The following FGF12 variants were observed in gnomAD, a reference collection of about 807,000 sequenced individuals.
FGF12 encodes the protein fibroblast growth factor 12B.
In FGF12, 14 loss-of-function variants were observed where a neutral mutation model predicts 23.6. That is an observed-to-expected ratio of 0.59 (90% CI 0.39 to 0.93). FGF12 has a LOEUF of 0.93. Ranked by LOEUF, FGF12 falls within the 40% of genes least tolerant of loss-of-function variation. The pLI, the probability that FGF12 is intolerant of heterozygous loss-of-function variation, is 0.00. For missense variants in FGF12, 175 were observed against 217.8 expected (o/e 0.80, Z 1.24); for synonymous variants, 62 against 77.3 (o/e 0.80, Z 1.04).
At position 192,171,773 on chromosome 3, in the gene FGF12, T is replaced by C. The variant is rs879394929; in HGVS notation, c.229-1117A>G. 5.3e-5 allele frequency among the ~76,000 whole-genome samples: 8 copies of C among 152,284 alleles called. No individual in the cohort carries two copies. The East Asian group carries it at 9.6e-4, about 18-fold the overall frequency. ...TGATTTAATGCAAGCAAACCTGGAA[T>C]TAAGTTATTAATGAATATAGGAATA... On this transcript the variant is annotated intron_variant, in intron 4 of 5. Coordinates refer to ENST00000445105, the MANE Select transcript of FGF12 (RefSeq NM_004113.6).
At chr3:192,629,085 A>T (rs1164707296) in intron 2 of FGF12, among the ~76,000 whole-genome samples, 4 of 152,212 alleles carry the variant, frequency 2.6e-5, no homozygotes, top group Non-Finnish European at 4.4e-5. Flanking sequence ...ATAAGATAAA[A>T]CAGACTATCA....
intron 2 of FGF12, chr3:192,515,259 G>T (rs559251745): frequency 0.01 from 1,576 of 152,406 alleles, 8 homozygotes; most frequent in Non-Finnish European, 0.017. Flanking sequence ...GGCTGCGCGC[G>T]GCCAAGGGCG....
intron 2 of FGF12, among the ~76,000 whole-genome samples, chr3:192,493,682 T>A (rs1187578797): frequency 1.3e-5 from 2 of 152,040 alleles, no homozygotes; most frequent in African/African-American, 4.8e-5. Flanking sequence ...GGGGAGCAAG[T>A]AATTCACACG....
At chr3:192,420,704 C>T (rs1168970048) in intron 2 of FGF12, among the ~76,000 whole-genome samples, 1 of 152,178 alleles carries the variant, frequency 6.6e-6, no homozygotes, top group Non-Finnish European at 1.5e-5. Context: ...GATGCTGGTG[C>T]CATGCTTCTT....
At chr3:192,664,621 C>G (rs1466929837) in intron 2 of FGF12, among the ~76,000 whole-genome samples, 1 of 62,682 alleles carries the variant, frequency 1.6e-5, no homozygotes. Context: ...AAAAAAAAAG[C>G]TGGGCATGGT....
chr3:192,380,703 T>C (rs576532302), intron 2 of FGF12, among the ~76,000 whole-genome samples: 2 of 152,254 alleles, frequency 1.3e-5, no homozygotes, highest in African/African-American at 4.8e-5. Context: ...TTAGATTTCA[T>C]AGCACATTGT....
intron 2 of FGF12, among the ~76,000 whole-genome samples, chr3:192,403,443 G>T (rs1165916622): frequency 6.6e-6 from 1 of 151,900 alleles, no homozygotes; most frequent in East Asian, 1.9e-4. Flanking sequence ...AACATAATTT[G>T]TTGTTGAGAA....
intron 2 of FGF12, among the ~76,000 whole-genome samples, chr3:192,665,304 G>A (rs1716825127): frequency 6.6e-6 from 1 of 152,106 alleles, no homozygotes; most frequent in South Asian, 2.1e-4. Context: ...AAAAGGTAAG[G>A]AAATGAAGAT....
chr3:192,206,702 G>T (rs1246081740), intron 4 of FGF12, among the ~76,000 whole-genome samples: 1 of 152,186 alleles, frequency 6.6e-6, no homozygotes, highest in Admixed American at 6.6e-5. Flanking sequence ...AAGATAGGGT[G>T]GATGATGGGG....
intron 2 of FGF12, among the ~76,000 whole-genome samples, chr3:192,554,563 A>C (rs1711676231): frequency 1.3e-5 from 2 of 152,204 alleles, no homozygotes; most frequent in Admixed American, 1.3e-4. Flanking sequence ...CTGATTGGTA[A>C]AGATCTTTTC....
At chr3:192,403,091 A>G (rs1055836698) in intron 2 of FGF12, among the ~76,000 whole-genome samples, 1 of 152,218 alleles carries the variant, frequency 6.6e-6, no homozygotes, top group Non-Finnish European at 1.5e-5. Flanking sequence ...CACTATTAAC[A>G]TATTTCCAAA....
chr3:192,193,353 G>A (rs1428436894), intron 4 of FGF12, among the ~76,000 whole-genome samples: 1 of 152,058 alleles, frequency 6.6e-6, no homozygotes, highest in African/African-American at 2.4e-5. Flanking sequence ...ATACTGCCAC[G>A]ATCACCCCAT....
chr3:192,362,757 T>A (rs188743594), intron 2 of FGF12, among the ~76,000 whole-genome samples: 36 of 152,236 alleles, frequency 2.4e-4, no homozygotes, highest in Admixed American at 6.5e-4. Flanking sequence ...TACATCCTAA[T>A]TAAAGTCTAA....
intron 2 of FGF12, among the ~76,000 whole-genome samples, chr3:192,612,474 A>C (rs1461813541): frequency 6.6e-6 from 1 of 151,928 alleles, no homozygotes; most frequent in African/African-American, 2.4e-5. Flanking sequence ...GATGATATTC[A>C]TCTTAATTAA....
At chr3:192,214,020 G>C (rs759430546) in intron 4 of FGF12, among the ~76,000 whole-genome samples, 1 of 152,178 alleles carries the variant, frequency 6.6e-6, no homozygotes, top group Non-Finnish European at 1.5e-5. Context: ...TTTTCTCCCT[G>C]TGTGTCCATG....
At chr3:192,198,911 AGTTCAT>A (rs1157888647) in intron 4 of FGF12, among the ~76,000 whole-genome samples, 1 of 152,228 alleles carries the variant, frequency 6.6e-6, no homozygotes, top group East Asian at 1.9e-4. Context: ...ACTGGGCAAT[AGTTCAT>A]TAACAGACTA....
chr3:192,329,629 C>G (rs923176543), intron 4 of FGF12, among the ~76,000 whole-genome samples: 1 of 152,160 alleles, frequency 6.6e-6, no homozygotes, highest in African/African-American at 2.4e-5. Flanking sequence ...AAATATACCT[C>G]TCCTTCACCA....
intron 4 of FGF12, among the ~76,000 whole-genome samples, chr3:192,255,061 T>G (rs1434946764): frequency 2.0e-5 from 3 of 152,020 alleles, no homozygotes; most frequent in Non-Finnish European, 4.4e-5. Context: ...GTGATTCCCC[T>G]GTTTACCAGC....
At chr3:192,454,174 G>T (rs1351268068) in intron 2 of FGF12, among the ~76,000 whole-genome samples, 2 of 152,064 alleles carry the variant, frequency 1.3e-5, no homozygotes, top group African/African-American at 4.8e-5. Flanking sequence ...GAGTAGCTGG[G>T]ACTATAGGTG....
Sources: gnomAD v4.1 joint callset for allele counts (sites outside exome capture counted in the v4.1 genomes callset) on GRCh38, gnomAD v4.1.1 for gene constraint, MANE v1.5 for transcripts, NCBI Gene and HGNC (gene_info 2026-07-23, HGNC 2026-07-21) for gene names.